Variants in PRR33 observed in about 807,000 individuals in gnomAD.
PRR33 encodes the protein proline rich 33, also known as proline-rich protein 33.
A neutral mutation model predicts 0.5 loss-of-function variants in PRR33; 1 was observed. That is an observed-to-expected ratio of 2.18 (90% CI 0.77 to 10.34). The LOEUF (loss-of-function observed/expected upper bound fraction) is 10.34, where lower values mean the gene tolerates loss of function less well. Ranked by LOEUF, PRR33 falls within the 30% of genes most tolerant of loss-of-function variation. The pLI is 0.13. For synonymous variants in PRR33, 226 were observed against 110.0 expected (o/e 2.06, Z -6.60); for missense variants, 552 against 251.8 (o/e 2.19, Z -8.07).
the PRR33 span, among the ~76,000 whole-genome samples, chr11:1,901,756 A>G: frequency 6.6e-6 from 1 of 152,346 alleles, no homozygotes; most frequent in African/African-American, 2.4e-5. Flanking sequence ...GCCAGGAAAA[A>G]CACGTTAAAC....
chr11:1,907,660 C>T, the PRR33 span, among the ~76,000 whole-genome samples: 5 of 152,248 alleles, frequency 3.3e-5, no homozygotes, highest in African/African-American at 4.8e-5. Flanking sequence ...GTGATCCAAC[C>T]GCCCCGGCCT....
the PRR33 span, among the ~76,000 whole-genome samples, chr11:1,901,267 A>T: frequency 2.0e-5 from 3 of 151,776 alleles, no homozygotes; most frequent in Non-Finnish European, 4.4e-5. Context: ...AGCCAAGTTT[A>T]CGCCATTGCA....
chr11:1,894,684 G>T (rs940899946), upstream of PRR33, among the ~76,000 whole-genome samples: 2 of 152,058 alleles, frequency 1.3e-5, no homozygotes, highest in African/African-American at 4.8e-5. Context: ...CCACAGCATG[G>T]GTACACCCCA....
the PRR33 span, among the ~76,000 whole-genome samples, chr11:1,914,350 A>G: frequency 7.1e-6 from 1 of 140,952 alleles, no homozygotes; most frequent in Non-Finnish European, 1.5e-5. Context: ...TTGTAGGGTC[A>G]CGCATCTGGG....
the PRR33 span, among the ~76,000 whole-genome samples, chr11:1,913,473 C>G: frequency 6.6e-6 from 1 of 152,164 alleles, no homozygotes; most frequent in Non-Finnish European, 1.5e-5. Flanking sequence ...GCATCCAGGC[C>G]TCGCATTTCC....
chr11:1,897,859 C>T, the PRR33 span, among the ~76,000 whole-genome samples: 6 of 152,084 alleles, frequency 3.9e-5, no homozygotes, highest in African/African-American at 1.4e-4. The surrounding 1 kb of genome is among the most constrained non-coding windows in gnomAD (Gnocchi z 4.0). Flanking sequence ...ATGCAGAGCG[C>T]CAGGGAGACG....
At chr11:1,905,856 G>A in the PRR33 span, among the ~76,000 whole-genome samples, 1 of 151,720 alleles carries the variant, frequency 6.6e-6, no homozygotes, top group Non-Finnish European at 1.5e-5. Context: ...GGTCTCACTG[G>A]CATCCAGGCT....
At chr11:1,916,027 G>A in the PRR33 span, among the ~76,000 whole-genome samples, 1 of 151,996 alleles carries the variant, frequency 6.6e-6, no homozygotes. Context: ...GACAGACGGA[G>A]GGATGGATGA....
At chr11:1,914,075 C>T in the PRR33 span, among the ~76,000 whole-genome samples, 7 of 152,254 alleles carry the variant, frequency 4.6e-5, no homozygotes, top group East Asian at 1.9e-4. Flanking sequence ...TTCACCCGGG[C>T]GTACCCCGGT....
At chr11:1,912,288 CT>C in the PRR33 span, among the ~76,000 whole-genome samples, 18,702 of 151,192 alleles carry the variant, frequency 0.12, 2,187 homozygotes, top group East Asian at 0.46. Flanking sequence ...GGTTCCTTGT[CT>C]TTTTTTTTGT....
chr11:1,889,214 G>A (rs1462109972), exon 1 of PRR33: 1 of 675,996 alleles, frequency 1.5e-6, no homozygotes, highest in African/African-American at 1.8e-5. Flanking sequence ...CCAGGATGGA[G>A]CGGACTGTGG....
the PRR33 span, among the ~76,000 whole-genome samples, chr11:1,909,198 C>CA: frequency 6.6e-6 from 1 of 151,148 alleles, no homozygotes; most frequent in Non-Finnish European, 1.5e-5. Flanking sequence ...TGAGTCTCTA[C>CA]AAAAAATACA....
At chr11:1,913,072 C>T in the PRR33 span, among the ~76,000 whole-genome samples, 2 of 151,742 alleles carry the variant, frequency 1.3e-5, no homozygotes, top group African/African-American at 4.8e-5. Flanking sequence ...TAATACTTTC[C>T]CCTCTCTATT....
chr11:1,910,224 G>T, the PRR33 span, among the ~76,000 whole-genome samples: 1 of 151,892 alleles, frequency 6.6e-6, no homozygotes, highest in East Asian at 1.9e-4. Flanking sequence ...CACCCTGCAC[G>T]CTGGCCAAGA....
exon 1 of PRR33, chr11:1,889,024 A>G (rs1327454827): frequency 1.8e-6 from 1 of 567,230 alleles, no homozygotes; most frequent in East Asian, 3.1e-5. Flanking sequence ...GCTGCCCTGC[A>G]CCCCATGCCC....
the PRR33 span, among the ~76,000 whole-genome samples, chr11:1,907,628 C>A: frequency 2.0e-5 from 3 of 152,108 alleles, no homozygotes; most frequent in Non-Finnish European, 1.5e-5. Flanking sequence ...TGGCCAGGCA[C>A]GTCTCGAACT....
the PRR33 span, among the ~76,000 whole-genome samples, chr11:1,906,959 G>A: frequency 3.3e-5 from 5 of 152,202 alleles, no homozygotes; most frequent in African/African-American, 1.2e-4. Flanking sequence ...GACTCTGTGG[G>A]CTCCACCTCA....
the PRR33 span, among the ~76,000 whole-genome samples, chr11:1,898,754 C>G: frequency 6.6e-6 from 1 of 152,026 alleles, no homozygotes; most frequent in Non-Finnish European, 1.5e-5. Context: ...GCCTGTAATC[C>G]CAACACTTTG....
the PRR33 span, among the ~76,000 whole-genome samples, chr11:1,904,443 T>G: frequency 6.6e-6 from 1 of 151,758 alleles, no homozygotes; most frequent in Non-Finnish European, 1.5e-5. Context: ...GCAGGAGAAT[T>G]GCTTGAACCT....
Sources: allele counts gnomAD v4.1 joint callset (sites outside exome capture counted in the v4.1 genomes callset), GRCh38; gene constraint gnomAD v4.1.1; non-coding constraint Gnocchi (gnomAD v3.1); transcripts MANE v1.5; gene names NCBI Gene and HGNC (gene_info 2026-07-23, HGNC 2026-07-21).